RAB7B: variants seen among roughly 807,000 people sequenced by gnomAD.
RAB7B encodes the protein ras-related protein Rab-7b.
chr1:205,989,608 C>A (rs1272640846), intron 4 of RAB7B, among the ~76,000 whole-genome samples: 1 of 152,124 alleles, frequency 6.6e-6, no homozygotes, highest in Admixed American at 6.5e-5. Flanking sequence ...GTGCCCCGAT[C>A]TCCTTTCCCT....
chr1:205,979,564 G>A (rs1310717812), intron 5 of RAB7B, among the ~76,000 whole-genome samples: 1 of 151,802 alleles, frequency 6.6e-6, no homozygotes, highest in Admixed American at 6.5e-5. Context: ...CCCAGTTCAG[G>A]GGTTGGGGTG....
At chr1:205,986,158 C>A (rs1305900708) in intron 4 of RAB7B, among the ~76,000 whole-genome samples, 1 of 152,214 alleles carries the variant, frequency 6.6e-6, no homozygotes, top group Non-Finnish European at 1.5e-5. Flanking sequence ...TCTTCCCCAG[C>A]CCAGCTAAGC....
chr1:205,995,498 T>A (rs977663480), intron 1 of RAB7B, among the ~76,000 whole-genome samples: 108 of 152,214 alleles, frequency 7.1e-4, no homozygotes, highest in African/African-American at 2.6e-3. Flanking sequence ...AACCTAAGTG[T>A]CCATCAATGG....
In RAB7B at chr1:205,976,840, A is replaced by G. The variant is rs1307010480; in HGVS notation, c.*2011T>C. 6.6e-6 allele frequency: 1 copy of G among 152,222 alleles called. No individual in the cohort carries two copies. Among genetic ancestry groups the G allele is most frequent in the Non-Finnish European group, 1.5e-5 (1 of 68,036 alleles). 9.4% of individuals were successfully genotyped at this position (152,222 alleles called of 1,614,324 possible). On this transcript the variant is annotated 3_prime_UTR_variant, in exon 6 of 6. Transcript: ENST00000617070. ...AGCTGCTGCATGCACACCGCACGTG[A>G]CAATCCAGTCTGCCTGACTCCCAGG... is the stretch of plus-strand genomic sequence containing the variant.
rs1019828109 is a variant in RAB7B at position 205,979,038 on chromosome 1, A to G, written c.523-110T>C. ...CCTGGGCTCTTGTTTCCTCCCCATT[A>G]TACTTCTGGGAAACTGAGGCCCAGA... is the stretch of plus-strand genomic sequence containing the variant. On this transcript the variant is annotated intron_variant, in intron 5 of 5. Transcript: ENST00000617070. 9.2e-4 allele frequency: 362 copies of G among 393,618 alleles called. 4 individuals carry two copies. Among genetic ancestry groups the G allele is most frequent in the South Asian group, 6.4e-3 (46 of 7,162 alleles). The allele number at this position is 393,618 out of a possible 1,614,324, so 24.4% of individuals were successfully genotyped here. A position where few individuals can be genotyped will look rare whatever the true frequency, so the allele number is the denominator to read the frequency against.
intron 1 of RAB7B, among the ~76,000 whole-genome samples, chr1:205,997,416 A>T (rs1660824234): frequency 6.6e-6 from 1 of 152,322 alleles, no homozygotes; most frequent in African/African-American, 2.4e-5. Context: ...AGGGAATGAA[A>T]TAACCAAAGC....
intron 1 of RAB7B, among the ~76,000 whole-genome samples, chr1:205,998,108 C>T (rs917965348): frequency 1.3e-5 from 2 of 152,198 alleles, no homozygotes; most frequent in Admixed American, 1.3e-4. Context: ...GTAATCCCAG[C>T]ACTTTGGGAG....
intron 1 of RAB7B, among the ~76,000 whole-genome samples, chr1:206,002,807 A>AG (rs1660911312): frequency 6.6e-6 from 1 of 152,190 alleles, no homozygotes; most frequent in African/African-American, 2.4e-5. Flanking sequence ...TTCCTACTCC[A>AG]GGGGCCAAGC....
Position 205,977,256 on chromosome 1 carries a change from T to C in RAB7B, c.*1595A>G, listed in dbSNP as rs1660397762. 6.6e-6 allele frequency: 1 copy of C among 152,182 alleles called. No homozygotes were observed. The highest frequency in any genetic ancestry group is 1.5e-5 in the Non-Finnish European group (1 of 68,016). The allele number at this position is 152,182 out of a possible 1,614,324, so 9.4% of individuals were successfully genotyped here. A position where few individuals can be genotyped will look rare whatever the true frequency, so the allele number is the denominator to read the frequency against. ...TCTCCAGGCTAGGCCCTGTCTGTGCTGCCTGGAGCCAGAAGAAAAAGATTC... is the reference window on the plus strand; with the variant it reads ...TCTCCAGGCTAGGCCCTGTCTGTGCCGCCTGGAGCCAGAAGAAAAAGATTC... On this transcript the variant is annotated 3_prime_UTR_variant, in exon 6 of 6. Coordinates refer to ENST00000617070, the MANE Select transcript of RAB7B (RefSeq NM_001164522.3).
intron 1 of RAB7B, among the ~76,000 whole-genome samples, chr1:205,996,940 C>G (rs1022160827): frequency 6.6e-6 from 1 of 152,200 alleles, no homozygotes; most frequent in African/African-American, 2.4e-5. Flanking sequence ...ATCTAATCAC[C>G]TCCCACAAGG....
At chr1:205,988,778 T>A (rs1660663253) in intron 4 of RAB7B, among the ~76,000 whole-genome samples, 2 of 151,980 alleles carry the variant, frequency 1.3e-5, no homozygotes. Context: ...CGGCTGTGAG[T>A]CCACATCTGC....
intron 1 of RAB7B, 170 bp from the exon 2 acceptor site, chr1:205,994,321 C>G (rs1020306362): frequency 6.4e-5 from 24 of 375,912 alleles, no homozygotes; most frequent in Middle Eastern, 6.7e-4. Context: ...CATATATCTT[C>G]TCCCTCACTT....
At chr1:205,980,363 C>T (rs1365743516) in intron 5 of RAB7B, among the ~76,000 whole-genome samples, 1 of 152,230 alleles carries the variant, frequency 6.6e-6, no homozygotes, top group African/African-American at 2.4e-5. Flanking sequence ...GAGCTCTTTC[C>T]GTTAATGACA....
At chr1:205,994,884 T>G (rs1274371049) in intron 1 of RAB7B, among the ~76,000 whole-genome samples, 1 of 151,614 alleles carries the variant, frequency 6.6e-6, no homozygotes, top group Non-Finnish European at 1.5e-5. Context: ...TTAAATGGAG[T>G]TTTTGAGAAT....
chr1:206,002,969 C>T (rs1359083501), intron 1 of RAB7B, among the ~76,000 whole-genome samples: 1 of 152,372 alleles, frequency 6.6e-6, no homozygotes, highest in African/African-American at 2.4e-5. Flanking sequence ...GCAGCGCCAT[C>T]CTCTCCTGAC....
rs1305504804 is a variant in RAB7B at position 205,977,161 on chromosome 1, T to C, written c.*1690A>G. 1 of 152,152 alleles carries C rather than the reference T, an allele frequency of 6.6e-6. No individual in the cohort carries two copies. Among genetic ancestry groups the C allele is most frequent in the Non-Finnish European group, 1.5e-5 (1 of 68,048 alleles). 9.4% of individuals were successfully genotyped at this position (152,152 alleles called of 1,614,324 possible). On this transcript the variant is annotated 3_prime_UTR_variant, in exon 6 of 6. Coordinates refer to ENST00000617070, the MANE Select transcript of RAB7B (RefSeq NM_001164522.3). ...GAACTCAGGAAAGGATACTTACGGG[T>C]AGACAGAAAGATTCTGCAGTGGGCA...
At chr1:205,998,446 T>C (rs1367233136) in intron 1 of RAB7B, among the ~76,000 whole-genome samples, 1 of 152,214 alleles carries the variant, frequency 6.6e-6, no homozygotes, top group Non-Finnish European at 1.5e-5. Flanking sequence ...GGAATCTGTG[T>C]GCACAGGAAT....
chr1:206,000,563 G>A (rs983659773), intron 1 of RAB7B, among the ~76,000 whole-genome samples: 3 of 152,314 alleles, frequency 2.0e-5, no homozygotes, highest in East Asian at 1.9e-4. Context: ...GACATCACTC[G>A]TGGCTGTGGC....
At chr1:205,983,291 G>A (rs898395346) in intron 5 of RAB7B, among the ~76,000 whole-genome samples, 67 of 152,202 alleles carry the variant, frequency 4.4e-4, no homozygotes, top group African/African-American at 1.5e-3. Flanking sequence ...CTTCCCCTCC[G>A]GCTTACACCC....
Sources: allele counts gnomAD v4.1 joint callset (sites outside exome capture counted in the v4.1 genomes callset), GRCh38; gene constraint gnomAD v4.1.1; transcripts MANE v1.5; gene names NCBI Gene and HGNC (gene_info 2026-07-23, HGNC 2026-07-21).